Variants in ZMYM4 observed in about 807,000 individuals in gnomAD.
ZMYM4 encodes the protein zinc finger MYM-type protein 4.
In ZMYM4, 31 loss-of-function variants were observed where a neutral mutation model predicts 183.2. The ratio of observed to expected loss-of-function variants is 0.17; its 90% CI spans 0.13 to 0.23. The LOEUF is 0.23. Among genes scored for constraint, ZMYM4 ranks in the 10% least tolerant of loss-of-function variants. ZMYM4 has a pLI of 1.00. For synonymous variants in ZMYM4, 592 were observed against 631.2 expected, an observed-to-expected ratio of 0.94 and a Z score of 0.93; for missense variants, 1,273 against 1,840.3, an observed-to-expected ratio of 0.69 and a Z score of 5.64.
chr1:35,392,794 T>C (rs1027926355), intron 17 of ZMYM4, 110 bp downstream of exon 17: 28 of 732,116 alleles, frequency 3.8e-5, no homozygotes, highest in Non-Finnish European at 5.2e-5. Context: ...ATGAAATAGA[T>C]TTCATTAGCT....
intron 26 of ZMYM4, 127 bp downstream of exon 26, chr1:35,408,286 T>A: frequency 8.2e-7 from 1 of 1,212,750 alleles, no homozygotes; most frequent in Non-Finnish European, 1.1e-6. Flanking sequence ...ACATTGTTTT[T>A]AACAACAAAT....
At chr1:35,312,303 T>TG in intron 1 of ZMYM4, among the ~76,000 whole-genome samples, 1 of 152,338 alleles carries the variant, frequency 6.6e-6, no homozygotes, top group South Asian at 2.1e-4. Flanking sequence ...TTTCTTCAGA[T>TG]ATTTTTTTCT....
chr1:35,348,353 CAT>C (rs994107213), intron 2 of ZMYM4, among the ~76,000 whole-genome samples: 2 of 152,140 alleles, frequency 1.3e-5, no homozygotes, highest in Non-Finnish European at 2.9e-5. Context: ...TACATTGAGA[CAT>C]ATACATGTGT....
intron 1 of ZMYM4, among the ~76,000 whole-genome samples, chr1:35,282,480 C>T (rs1173447660): frequency 6.6e-6 from 1 of 152,192 alleles, no homozygotes; most frequent in Non-Finnish European, 1.5e-5. Context: ...TACAGCAAGA[C>T]TAAACAGACT....
chr1:35,416,607 A>C (rs1325319744), intron 28 of ZMYM4, among the ~76,000 whole-genome samples: 1 of 152,142 alleles, frequency 6.6e-6, no homozygotes, highest in African/African-American at 2.4e-5. Context: ...TCTGTCACCC[A>C]GGTTGGAGTG....
chr1:35,303,634 G>T (rs1437504829), intron 1 of ZMYM4, among the ~76,000 whole-genome samples: 1 of 152,106 alleles, frequency 6.6e-6, no homozygotes, highest in Non-Finnish European at 1.5e-5. Context: ...TCAAACTCCT[G>T]ACCTCAAGTG....
Position 35,397,020 on chromosome 1 carries a change from G to A in ZMYM4, c.3030+350G>A, listed in dbSNP as rs190030929. The A allele has an allele frequency of 1.1e-3, 1,006 of 929,110 alleles. 5 individuals are homozygous for A. In the African/African-American group the frequency reaches 0.012, roughly 11 times the overall value. 57.6% of individuals were successfully genotyped at this position (929,110 alleles called of 1,614,324 possible). ...TTCTCATTTTTGATTAAAGAAAAAT[G>A]TATTTTTTAATTACAAATTTATTTT... On this transcript the variant is annotated intron_variant, in intron 19 of 29. Transcript: ENST00000314607.
intron 1 of ZMYM4, among the ~76,000 whole-genome samples, chr1:35,311,815 C>T (rs1279937368): frequency 6.6e-6 from 1 of 152,124 alleles, no homozygotes; most frequent in East Asian, 1.9e-4. Context: ...TTTATTATTT[C>T]TGTTGCTCTT....
chr1:35,384,565 A>C (rs1644532395), intron 9 of ZMYM4, among the ~76,000 whole-genome samples: 1 of 152,110 alleles, frequency 6.6e-6, no homozygotes, highest in Non-Finnish European at 1.5e-5. Context: ...ACCTGTGATG[A>C]TATCCCAGGT....
At chr1:35,370,775 T>A in intron 7 of ZMYM4, 148 bp downstream of exon 7, 1 of 978,194 alleles carries the variant, frequency 1.0e-6, no homozygotes, top group Non-Finnish European at 1.3e-6. Flanking sequence ...ATTTTCTGTC[T>A]GCTTTCAGTT....
intron 7 of ZMYM4, among the ~76,000 whole-genome samples, chr1:35,377,067 C>T (rs1377981066): frequency 4.0e-5 from 6 of 151,782 alleles, no homozygotes; most frequent in Non-Finnish European, 4.4e-5. Context: ...CCACCATGCC[C>T]GGCTAATTTT....
At chr1:35,351,593 G>C (rs969109615) in intron 2 of ZMYM4, 3 of 748,958 alleles carry the variant, frequency 4.0e-6, no homozygotes, top group Non-Finnish European at 6.8e-6. Context: ...TCAGGAGCAG[G>C]CTGCTGAGAG....
chr1:35,298,217 A>G (rs1211492108), intron 1 of ZMYM4, among the ~76,000 whole-genome samples: 1 of 152,190 alleles, frequency 6.6e-6, no homozygotes, highest in Non-Finnish European at 1.5e-5. Context: ...AATAAAAGTC[A>G]GTAGGATGGT....
intron 19 of ZMYM4, among the ~76,000 whole-genome samples, chr1:35,396,900 A>C (rs1644818709): frequency 6.6e-6 from 1 of 152,206 alleles, no homozygotes; most frequent in Admixed American, 6.5e-5. Context: ...ACTTACATGC[A>C]CAATAAGACC....
At chr1:35,349,734 G>T (rs1311679485) in intron 2 of ZMYM4, among the ~76,000 whole-genome samples, 4 of 151,584 alleles carry the variant, frequency 2.6e-5, no homozygotes, top group Non-Finnish European at 4.4e-5. Flanking sequence ...GGAGGCTGAG[G>T]CAGGAGAATT....
At chr1:35,369,929 C>G in intron 5 of ZMYM4, 100 bp from the exon 6 acceptor site, 1 of 719,290 alleles carries the variant, frequency 1.4e-6, no homozygotes, top group Non-Finnish European at 2.2e-6. Flanking sequence ...TAAACATTTT[C>G]CACCTCTATA....
At chr1:35,395,739 A>G (rs1315027402) in intron 18 of ZMYM4, among the ~76,000 whole-genome samples, 1 of 152,206 alleles carries the variant, frequency 6.6e-6, no homozygotes, top group East Asian at 1.9e-4. Flanking sequence ...CAGTTGGGCA[A>G]AGTCATCTAA....
At chr1:35,283,462 C>T (rs1051599780) in intron 1 of ZMYM4, among the ~76,000 whole-genome samples, 4 of 150,792 alleles carry the variant, frequency 2.7e-5, no homozygotes, top group South Asian at 2.1e-4. Flanking sequence ...CTCAGCCTCC[C>T]GAATACCTGG....
chr1:35,397,461 C>T lies in ZMYM4; in HGVS notation c.3115C>T (p.Pro1039Ser). Residue 1039 changes from proline (P) to serine (S), a missense_variant, in exon 20 of 30, where the codon CCC (proline) becomes TCC (serine). Coordinates refer to ENST00000314607, the MANE Select transcript of ZMYM4 (RefSeq NM_005095.3). Reference protein sequence around the residue: ...ESIEDIKEKLPTHPFEADLLE... With the variant: ...ESIEDIKEKLSTHPFEADLLE... ...TATTGAAGACATTAAAGAAAAGCTT[C>T]CCACACATCCATTTGAAGCTGATCT... 1 of 1,613,370 alleles carries T rather than the reference C, an allele frequency of 6.2e-7. No homozygotes were observed. Among genetic ancestry groups the T allele is most frequent in the Admixed American group, 1.7e-5 (1 of 59,964 alleles).
Sources: allele counts gnomAD v4.1 joint callset (sites outside exome capture counted in the v4.1 genomes callset), GRCh38; gene constraint gnomAD v4.1.1; transcripts MANE v1.5; gene names NCBI Gene and HGNC (gene_info 2026-07-23, HGNC 2026-07-21).